NID1: variants seen among roughly 807,000 people sequenced by gnomAD.
NID1 encodes the protein nidogen-1.
NID1 carries 76 observed loss-of-function variants against 130.6 expected under a neutral mutation model. The ratio of observed to expected loss-of-function variants is 0.58; its 90% CI spans 0.48 to 0.70. The LOEUF (loss-of-function observed/expected upper bound fraction) is 0.70. Among genes scored for constraint, NID1 ranks in the 30% least tolerant of loss-of-function variants. The pLI is 0.00. For missense variants in NID1, 1,517 were observed against 1,664.8 expected, an observed-to-expected ratio of 0.91 and a Z score of 1.54; for synonymous variants, 665 against 675.1, an observed-to-expected ratio of 0.98 and a Z score of 0.23.
intron 9 of NID1, 115 bp downstream of exon 9, chr1:236,023,955 A>C (rs1658845782): frequency 7.4e-7 from 1 of 1,348,484 alleles, no homozygotes; most frequent in Non-Finnish European, 1.0e-6. Flanking sequence ...CATGTCCACC[A>C]GTATTTATCT....
chr1:236,022,575 T>A (rs1455130725), intron 9 of NID1, among the ~76,000 whole-genome samples: 1 of 150,878 alleles, frequency 6.6e-6, no homozygotes, highest in Non-Finnish European at 1.5e-5. Flanking sequence ...CCCGACCTCA[T>A]GATCCATCCA....
intron 5 of NID1, 40 bp downstream of exon 5, chr1:236,038,064 T>C (rs1398983496): frequency 1.3e-6 from 2 of 1,573,120 alleles, no homozygotes; most frequent in Non-Finnish European, 1.7e-6. Context: ...ACTCCGCTCC[T>C]CCTTCTCCCG....
rs770048252 is a variant in NID1 at position 235,993,632 on chromosome 1, T to G, written c.2755+13A>C. ...CTCAGGCACACGCCCAAGCACGGCCTGCACCCACTTACACGGGGGCGTCAT... is the reference window on the plus strand; with the variant it reads ...CTCAGGCACACGCCCAAGCACGGCCGGCACCCACTTACACGGGGGCGTCAT... On this transcript the variant is annotated intron_variant, in intron 13 of 19. Transcript: ENST00000264187. The G allele has an allele frequency of 1.6e-5, 24 of 1,524,362 alleles. No homozygotes were observed. Among genetic ancestry groups the G allele is most frequent in the Non-Finnish European group, 1.9e-5 (22 of 1,128,762 alleles). 94.4% of individuals were successfully genotyped at this position (1,524,362 alleles called of 1,614,324 possible).
At chr1:235,992,260 G>A (rs368752500) in intron 13 of NID1, among the ~76,000 whole-genome samples, 3 of 152,180 alleles carry the variant, frequency 2.0e-5, no homozygotes, top group East Asian at 1.9e-4. Flanking sequence ...ACACCCAATC[G>A]GTGACACAAA....
At chr1:236,017,302 G>C (rs1658628215) in intron 9 of NID1, 29 bp from the exon 10 acceptor site, 1 of 1,611,434 alleles carries the variant, frequency 6.2e-7, no homozygotes, top group Non-Finnish European at 8.5e-7. Context: ...TTTACTGCAG[G>C]CTTTTTTTTA....
chr1:235,988,088 T>C (rs1657622770), intron 14 of NID1, among the ~76,000 whole-genome samples: 1 of 152,082 alleles, frequency 6.6e-6, no homozygotes, highest in Non-Finnish European at 1.5e-5. Context: ...TAGGACACAA[T>C]CAAGAGAGTG....
rs1299893817 is a variant in NID1 at position 235,981,709 on chromosome 1, A to G, written c.3129T>C (p.Asp1043=). 6.2e-7 allele frequency: 1 copy of G among 1,614,204 alleles called. No individual in the cohort carries two copies. ...CGTCCAGCTTCGCCACTTCTATTCG[A>G]TCCAGGTTAGAGTCTGTCCAGAAGA... ...RNIFWTDSNL[D]RIEVAKLDGT... The change falls in exon 16 of 20, where the codon GAT becomes GAC. Residue 1043 remains aspartate (D), a synonymous_variant. Transcript: ENST00000264187.
At chr1:236,034,218 C>T (rs559789038) in intron 5 of NID1, among the ~76,000 whole-genome samples, 1 of 152,012 alleles carries the variant, frequency 6.6e-6, no homozygotes, top group Non-Finnish European at 1.5e-5. Flanking sequence ...ATCAGGAGTT[C>T]GAGACCAGCC....
At chr1:235,978,305 T>C (rs536746909) in intron 19 of NID1, among the ~76,000 whole-genome samples, 21 of 152,312 alleles carry the variant, frequency 1.4e-4, no homozygotes, top group African/African-American at 4.6e-4. Flanking sequence ...AATTTTAAAG[T>C]GCAAAGTTCT....
chr1:235,984,944 C>T (rs1657530447), intron 15 of NID1, among the ~76,000 whole-genome samples: 1 of 152,118 alleles, frequency 6.6e-6, no homozygotes, highest in African/African-American at 2.4e-5. Context: ...AATCCCAGCA[C>T]TTTGGGAGGC....
intron 8 of NID1, among the ~76,000 whole-genome samples, chr1:236,024,455 G>T (rs1022886907): frequency 4.6e-5 from 7 of 152,220 alleles, no homozygotes; most frequent in Non-Finnish European, 2.9e-5. Context: ...TATGGTCTAT[G>T]GCTGCATTTG....
intron 12 of NID1, among the ~76,000 whole-genome samples, chr1:236,002,529 A>C (rs1358383507): frequency 2.6e-5 from 4 of 151,892 alleles, no homozygotes; most frequent in Admixed American, 6.6e-5. Context: ...CAAACAAACA[A>C]ACAAAAAATG....
intron 14 of NID1, among the ~76,000 whole-genome samples, chr1:235,989,341 T>C (rs1018144555): frequency 6.6e-6 from 1 of 152,238 alleles, no homozygotes; most frequent in African/African-American, 2.4e-5. Flanking sequence ...AAGAATGTCT[T>C]TCACAGGGAA....
intron 1 of NID1, among the ~76,000 whole-genome samples, chr1:236,061,546 A>C (rs760241311): frequency 6.6e-6 from 1 of 151,850 alleles, no homozygotes; most frequent in Admixed American, 6.6e-5. Flanking sequence ...GCTTACTGCA[A>C]CCTCCACCTC....
intron 1 of NID1, among the ~76,000 whole-genome samples, chr1:236,050,815 C>A (rs189425227): frequency 6.6e-6 from 1 of 152,136 alleles, no homozygotes; most frequent in African/African-American, 2.4e-5. Context: ...CAGAGGCTCA[C>A]GCCTGTAATC....
intron 12 of NID1, 32 bp downstream of exon 12, chr1:236,011,889 G>C: frequency 6.2e-7 from 1 of 1,611,974 alleles, no homozygotes. Flanking sequence ...CAGGGCAATG[G>C]GCTACCGACT....
Position 235,989,370 on chromosome 1 carries a change from C to T in NID1, c.2928+1516G>A, listed in dbSNP as rs540094294. Among the ~76,000 whole-genome samples the T allele has an allele frequency of 2.0e-5, 3 of 152,282 alleles. No individual in the cohort carries two copies. The South Asian group carries it at 6.2e-4, about 32-fold the overall frequency. ...CAGGGAATTTAACCCATTCCTATTA[C>T]CTGAGAGCATGTGCTGGAGATGGAA... On this transcript the variant is annotated intron_variant, in intron 14 of 19. Transcript: ENST00000264187.
At chr1:236,014,678 T>C (rs1441224092) in intron 10 of NID1, among the ~76,000 whole-genome samples, 1 of 152,122 alleles carries the variant, frequency 6.6e-6, no homozygotes, top group Non-Finnish European at 1.5e-5. Context: ...TGCTACAGCT[T>C]TTTGCCTAAG....
Position 235,977,791 on chromosome 1 carries a change from T to C in NID1, c.*76A>G. Reference sequence around the variant, plus strand: ...AGTGGCCACTCAGCCAGAGGACACTTTTCAATCTGGACCAAGTTGCTTCAA... The same window carrying C: ...AGTGGCCACTCAGCCAGAGGACACTCTTCAATCTGGACCAAGTTGCTTCAA... On this transcript the variant is annotated 3_prime_UTR_variant, in exon 20 of 20. Coordinates refer to ENST00000264187, the MANE Select transcript of NID1 (RefSeq NM_002508.3). The C allele has an allele frequency of 6.4e-7, 1 of 1,558,416 alleles. No homozygotes were observed. The highest frequency in any genetic ancestry group is 8.8e-7 in the Non-Finnish European group (1 of 1,141,930).
Sources: gnomAD v4.1 joint callset for allele counts (sites outside exome capture counted in the v4.1 genomes callset) on GRCh38, gnomAD v4.1.1 for gene constraint, MANE v1.5 for transcripts, NCBI Gene and HGNC (gene_info 2026-07-23, HGNC 2026-07-21) for gene names.